Variants in KCND2 observed in about 807,000 individuals in gnomAD.
KCND2 encodes the protein A-type voltage-gated potassium channel KCND2.
Under a neutral mutation model 54.4 loss-of-function variants are expected in KCND2, and 16 were observed. That is an observed-to-expected ratio of 0.29 (90% CI 0.20 to 0.45). The LOEUF is 0.45. KCND2 is among the 20% of genes least tolerant of loss of function. KCND2 has a pLI of 1.00. For synonymous variants in KCND2, 317 were observed against 310.7 expected, an observed-to-expected ratio of 1.02 and a Z score of -0.21; for missense variants, 486 against 824.2, an observed-to-expected ratio of 0.59 and a Z score of 5.02.
chr7:120,617,051 G>A (rs1793034069), intron 1 of KCND2, among the ~76,000 whole-genome samples: 2 of 152,088 alleles, frequency 1.3e-5, no homozygotes, highest in Non-Finnish European at 2.9e-5. Flanking sequence ...CCCATCAGTA[G>A]CATAAATGTC....
intron 1 of KCND2, among the ~76,000 whole-genome samples, chr7:120,673,813 C>CCAGG (rs1234855015): frequency 1.3e-5 from 2 of 152,068 alleles, no homozygotes; most frequent in Non-Finnish European, 2.9e-5. Flanking sequence ...AATCTATAGT[C>CCAGG]CAGGCATCCT....
chr7:120,514,179 T>G (rs2116336233), intron 1 of KCND2, among the ~76,000 whole-genome samples: 1 of 152,220 alleles, frequency 6.6e-6, no homozygotes, highest in Middle Eastern at 3.4e-3. Flanking sequence ...CTGAATTATA[T>G]AAGTTAAATC....
chr7:120,450,600 G>A (rs939179529), intron 1 of KCND2, among the ~76,000 whole-genome samples: 2 of 152,128 alleles, frequency 1.3e-5, no homozygotes, highest in Non-Finnish European at 2.9e-5. Context: ...TACACCAATG[G>A]AAACCCTGTA....
intron 1 of KCND2, among the ~76,000 whole-genome samples, chr7:120,673,700 T>G (rs890034639): frequency 6.6e-6 from 1 of 152,128 alleles, no homozygotes; most frequent in African/African-American, 2.4e-5. Context: ...TATAATTTTT[T>G]CAGTGGTTTT....
chr7:120,487,828 C>A (rs116242005), intron 1 of KCND2, among the ~76,000 whole-genome samples: 1 of 152,142 alleles, frequency 6.6e-6, no homozygotes, highest in African/African-American at 2.4e-5. Flanking sequence ...AGGCTGTTTT[C>A]AAATAACATA....
chr7:120,700,256 G>A (rs1792384194), intron 1 of KCND2, among the ~76,000 whole-genome samples: 1 of 152,128 alleles, frequency 6.6e-6, no homozygotes, highest in Admixed American at 6.5e-5. Flanking sequence ...AATGTTTAGA[G>A]CAAACATATG....
At chr7:120,300,317 C>G (rs763731684) in intron 1 of KCND2, among the ~76,000 whole-genome samples, 6 of 152,086 alleles carry the variant, frequency 3.9e-5, no homozygotes, top group Non-Finnish European at 4.4e-5. Flanking sequence ...CCTAGATGAA[C>G]TCTTTGCAGC....
At chr7:120,428,057 A>G (rs771430473) in intron 1 of KCND2, among the ~76,000 whole-genome samples, 7 of 152,200 alleles carry the variant, frequency 4.6e-5, no homozygotes, top group African/African-American at 7.2e-5. Context: ...TTCCTGTTAA[A>G]TTATCAGAAC....
At chr7:120,503,284 G>T (rs944848281) in intron 1 of KCND2, among the ~76,000 whole-genome samples, 3 of 151,938 alleles carry the variant, frequency 2.0e-5, no homozygotes, top group African/African-American at 7.2e-5. Context: ...CATTTAAAAT[G>T]TGGCATTAAA....
intron 1 of KCND2, among the ~76,000 whole-genome samples, chr7:120,639,627 T>A (rs989370128): frequency 6.6e-6 from 1 of 152,178 alleles, no homozygotes; most frequent in African/African-American, 2.4e-5. Context: ...TTAAAGTCAG[T>A]TCAATCTTAG....
At chr7:120,372,687 G>T (rs1013753605) in intron 1 of KCND2, among the ~76,000 whole-genome samples, 3 of 151,796 alleles carry the variant, frequency 2.0e-5, no homozygotes, top group African/African-American at 7.3e-5. Context: ...TATTTGAAAT[G>T]ATAACTCTAG....
intron 1 of KCND2, among the ~76,000 whole-genome samples, chr7:120,378,821 C>G (rs1439915798): frequency 6.6e-6 from 1 of 151,926 alleles, no homozygotes; most frequent in Non-Finnish European, 1.5e-5. Flanking sequence ...TATAGAATCT[C>G]ATATACTGGA....
At chr7:120,713,360 CAT>C (rs1463508501) in intron 1 of KCND2, among the ~76,000 whole-genome samples, 2 of 152,144 alleles carry the variant, frequency 1.3e-5, no homozygotes, top group Admixed American at 6.6e-5. Flanking sequence ...ACATTCCACA[CAT>C]AGGAAACCAT....
chr7:120,550,092 C>T (rs950778005), intron 1 of KCND2, among the ~76,000 whole-genome samples: 1 of 151,956 alleles, frequency 6.6e-6, no homozygotes, highest in Non-Finnish European at 1.5e-5. Flanking sequence ...ATTTTAGGTT[C>T]GTTCAGCACT....
At chr7:120,742,701 A>T (rs1005841408) in intron 4 of KCND2, 99 bp downstream of exon 4, 1 of 915,054 alleles carries the variant, frequency 1.1e-6, no homozygotes, top group Non-Finnish European at 1.8e-6. Flanking sequence ...CACTGTCTGC[A>T]TTACTGGAAA....
rs530299358 is a variant in KCND2, at chr7:120,632,919, A to G, written c.1116-99984A>G. Among the ~76,000 whole-genome samples, 242 of 152,338 alleles carry G rather than the reference A, an allele frequency of 1.6e-3. 1 individual carries two copies. The highest frequency in any genetic ancestry group is 5.6e-3 in the African/African-American group (232 of 41,588). On this transcript the variant is annotated intron_variant, in intron 1 of 5. Transcript: ENST00000331113. ...TGCAAAGAAACATGAGTAATCTCCCAATACTGGCCAGAATTCTCTCTCATT... is the reference window on the plus strand; with the variant it reads ...TGCAAAGAAACATGAGTAATCTCCCGATACTGGCCAGAATTCTCTCTCATT...
intron 1 of KCND2, among the ~76,000 whole-genome samples, chr7:120,449,188 G>T (rs1459546421): frequency 6.6e-6 from 1 of 151,978 alleles, no homozygotes; most frequent in Admixed American, 6.6e-5. Context: ...AATTAGCCAG[G>T]CATGGTGGCA....
rs181346603 is a variant in KCND2 at position 120,408,670 on chromosome 7, C to T, written c.1115+132923C>T. ...CAGGAGTCATTGTGATCAACACTCC[C>T]CTGCCCCCCAACAGACACACACACA... On this transcript the variant is annotated intron_variant, in intron 1 of 5. Coordinates refer to ENST00000331113, the MANE Select transcript of KCND2 (RefSeq NM_012281.3). Among the ~76,000 whole-genome samples the T allele has an allele frequency of 3.3e-5, 5 of 151,866 alleles. No individual in the cohort carries two copies. In the East Asian group the frequency reaches 7.7e-4, roughly 23 times the overall value.
At chr7:120,452,169 T>C (rs1261869588) in intron 1 of KCND2, among the ~76,000 whole-genome samples, 1 of 152,182 alleles carries the variant, frequency 6.6e-6, no homozygotes, top group Non-Finnish European at 1.5e-5. Context: ...CTATCAAGCG[T>C]AGTGACTTAG....
Sources: gnomAD v4.1 joint callset for allele counts (sites outside exome capture counted in the v4.1 genomes callset) on GRCh38, gnomAD v4.1.1 for gene constraint, MANE v1.5 for transcripts, NCBI Gene and HGNC (gene_info 2026-07-23, HGNC 2026-07-21) for gene names.